The following DCC variants were observed in gnomAD, a reference collection of about 807,000 sequenced individuals.
The protein encoded by DCC is netrin receptor DCC.
DCC carries 58 observed loss-of-function variants against 172.5 expected under a neutral mutation model. The observed-to-expected ratio is 0.34, with a 90% CI of 0.27 to 0.42. The LOEUF (loss-of-function observed/expected upper bound fraction) is 0.42, where lower values mean the gene tolerates loss of function less well. Among genes scored for constraint, DCC ranks in the 10% least tolerant of loss-of-function variants. DCC has a pLI of 1.00. For synonymous variants in DCC, 709 were observed against 644.5 expected, an observed-to-expected ratio of 1.10 and a Z score of -1.52; for missense variants, 1,740 against 1,791.0, an observed-to-expected ratio of 0.97 and a Z score of 0.51.
At chr18:53,396,012 C>A (rs1362039140) in intron 17 of DCC, among the ~76,000 whole-genome samples, 1 of 151,956 alleles carries the variant, frequency 6.6e-6, no homozygotes, top group Admixed American at 6.6e-5. Context: ...ATAGGCAAAT[C>A]ACCGAAATGT....
chr18:52,486,486 A>G (rs2030232512), intron 1 of DCC, among the ~76,000 whole-genome samples: 2 of 152,122 alleles, frequency 1.3e-5, no homozygotes, highest in South Asian at 4.1e-4. Context: ...ATGAATTCAT[A>G]TTACTTGCTG....
At chr18:52,876,622 C>T (rs910838644) in intron 2 of DCC, among the ~76,000 whole-genome samples, 2 of 152,144 alleles carry the variant, frequency 1.3e-5, no homozygotes, top group African/African-American at 2.4e-5. Flanking sequence ...ATTGTAATGG[C>T]TAACAGAAGG....
At chr18:52,780,127 A>G (rs1485797649) in intron 2 of DCC, among the ~76,000 whole-genome samples, 4 of 152,112 alleles carry the variant, frequency 2.6e-5, no homozygotes, top group East Asian at 1.9e-4. Flanking sequence ...CTGCAGGTTC[A>G]TTTCTAGTAC....
chr18:52,970,384 G>A (rs1410755171), intron 5 of DCC, among the ~76,000 whole-genome samples: 1 of 152,018 alleles, frequency 6.6e-6, no homozygotes, highest in African/African-American at 2.4e-5. Context: ...ATGAGAAAGT[G>A]GAGAAGCCTA....
intron 1 of DCC, among the ~76,000 whole-genome samples, chr18:52,504,160 G>A (rs188481507): frequency 9.4e-4 from 143 of 152,210 alleles, no homozygotes; most frequent in African/African-American, 3.3e-3. Context: ...GCTGGTACGG[G>A]TGATTGCTGG....
At chr18:53,393,582 G>T (rs1349952632) in intron 17 of DCC, among the ~76,000 whole-genome samples, 1 of 152,094 alleles carries the variant, frequency 6.6e-6, no homozygotes, top group Non-Finnish European at 1.5e-5. Context: ...ACTTTTAGAA[G>T]GCTACTTTCT....
At chr18:53,390,485 C>T (rs181810613) in intron 16 of DCC, among the ~76,000 whole-genome samples, 61 of 152,208 alleles carry the variant, frequency 4.0e-4, no homozygotes, top group African/African-American at 1.4e-3. Flanking sequence ...GCTGTAGACA[C>T]CCAGCATATT....
At chr18:53,283,053 G>A (rs1316472653) in intron 12 of DCC, among the ~76,000 whole-genome samples, 1 of 152,148 alleles carries the variant, frequency 6.6e-6, no homozygotes, top group African/African-American at 2.4e-5. Flanking sequence ...CAGTAAGTCA[G>A]CACTGACCTA....
intron 21 of DCC, among the ~76,000 whole-genome samples, chr18:53,430,104 A>G (rs2879528): frequency 0.42 from 64,376 of 151,866 alleles, 15,413 homozygotes; most frequent in Non-Finnish European, 0.55. Context: ...GGTAATATTA[A>G]TGGATATTCT....
chr18:52,631,147 CT>C (rs2067372676), intron 1 of DCC, among the ~76,000 whole-genome samples: 1 of 152,140 alleles, frequency 6.6e-6, no homozygotes, highest in South Asian at 2.1e-4. Flanking sequence ...TAATAAAATC[CT>C]TTAAAAATAA....
intron 2 of DCC, among the ~76,000 whole-genome samples, chr18:52,856,338 G>A (rs998789224): frequency 6.6e-6 from 1 of 151,842 alleles, no homozygotes; most frequent in African/African-American, 2.4e-5. Context: ...CTAATTAAGA[G>A]AGCAAGGCCG....
chr18:52,916,446 CT>C, intron 3 of DCC, among the ~76,000 whole-genome samples: 1 of 152,260 alleles, frequency 6.6e-6, no homozygotes, highest in East Asian at 1.9e-4. Context: ...ATTCAAGCAC[CT>C]TTCTGATGGG....
At chr18:53,239,233 A>C (rs2056252719) in intron 12 of DCC, among the ~76,000 whole-genome samples, 1 of 150,966 alleles carries the variant, frequency 6.6e-6, no homozygotes. Context: ...AAATGAAAAA[A>C]AAAAAACTCC....
chr18:52,975,808 G>A (rs1211903962), intron 5 of DCC, among the ~76,000 whole-genome samples: 1 of 152,142 alleles, frequency 6.6e-6, no homozygotes. Flanking sequence ...GAATAGTGCT[G>A]CAATAAACAC....
chr18:53,369,720 T>C (rs1033327377), intron 15 of DCC, among the ~76,000 whole-genome samples: 2 of 151,914 alleles, frequency 1.3e-5, no homozygotes, highest in African/African-American at 4.8e-5. Context: ...TCTGCATCAA[T>C]TGATGACGTG....
rs1426784316 is a variant in DCC, at chr18:53,307,889, GTGTGTATGTATATATATATA to G, written c.2053+2172_2053+2191del. On this transcript the variant is annotated intron_variant, in intron 13 of 28. Transcript: ENST00000442544. ...CCATAACCCTTCTGGAAAGCAATGTGTGTGTATGTATATATATATATATATATATATATATATATATATAT... is the reference window on the plus strand; with the variant it reads ...CCATAACCCTTCTGGAAAGCAATGTGTATATATATATATATATATATATAT... Among the ~76,000 whole-genome samples the G allele has an allele frequency of 5.8e-3, 222 of 38,112 alleles. 1 individual carries two copies. The highest frequency in any genetic ancestry group is 0.012 in the African/African-American group (201 of 16,798). The allele number at this position is 38,112 out of a possible 152,430, so 25.0% of individuals were successfully genotyped here.
At chr18:53,250,696 A>G (rs890023076) in intron 12 of DCC, among the ~76,000 whole-genome samples, 3 of 151,682 alleles carry the variant, frequency 2.0e-5, no homozygotes, top group African/African-American at 7.3e-5. Context: ...CTGCCCACTC[A>G]GTGGCTTTTT....
intron 2 of DCC, among the ~76,000 whole-genome samples, chr18:52,782,208 A>G (rs2037557950): frequency 6.6e-6 from 1 of 152,136 alleles, no homozygotes; most frequent in Non-Finnish European, 1.5e-5. Context: ...AAGGACCCCT[A>G]TATAGTTCAA....
At chr18:52,501,705 C>G (rs2031027994) in intron 1 of DCC, among the ~76,000 whole-genome samples, 2 of 152,048 alleles carry the variant, frequency 1.3e-5, no homozygotes, top group Non-Finnish European at 2.9e-5. Context: ...TCTGAGGTCC[C>G]TTTCTCTTTT....
Sources: gnomAD v4.1 joint callset for allele counts (sites outside exome capture counted in the v4.1 genomes callset) on GRCh38, gnomAD v4.1.1 for gene constraint, MANE v1.5 for transcripts, NCBI Gene and HGNC (gene_info 2026-07-23, HGNC 2026-07-21) for gene names.